ARID3B: variants seen among roughly 807,000 people sequenced by gnomAD.
ARID3B encodes the protein AT-rich interaction domain 3B.
A neutral mutation model predicts 51.9 loss-of-function variants in ARID3B; 10 were observed. The observed-to-expected ratio is 0.19, with a 90% CI of 0.12 to 0.33. The LOEUF is 0.33. Ranked by LOEUF, ARID3B falls within the 10% of genes least tolerant of loss-of-function variation. ARID3B has a pLI of 1.00. For synonymous variants in ARID3B, 205 were observed against 279.5 expected (o/e 0.73, Z 2.66); for missense variants, 483 against 716.3 (o/e 0.67, Z 3.72).
rs188625826 is a variant in ARID3B, at chr15:74,546,427, T to C, written c.552+1939T>C. ...GTCGTTCCTAGAAAGTGCAGCCGCA[T>C]GCGAGGAACAAGTGGAGCTCCAGAG... On this transcript the variant is annotated intron_variant, in intron 2 of 8. Transcript: ENST00000346246. Among the ~76,000 whole-genome samples the C allele has an allele frequency of 6.6e-4, 100 of 152,320 alleles. 2 individuals carry two copies. The East Asian group carries it at 0.015, about 22-fold the overall frequency.
rs767700537 is a variant in ARID3B at position 74,589,804 on chromosome 15, CGTT to C, written c.698-14_698-12del. 2 of 1,593,716 alleles carry C rather than the reference CGTT, an allele frequency of 1.3e-6. No individual in the cohort carries two copies. Among genetic ancestry groups the C allele is most frequent in the South Asian group, 2.2e-5 (2 of 90,020 alleles). On this transcript the variant is annotated splice_polypyrimidine_tract_variant and intron_variant, in intron 4 of 8. Coordinates refer to ENST00000346246, the MANE Select transcript of ARID3B (RefSeq NM_006465.4). The stretch of plus-strand genomic sequence containing the variant: ...TGATGATCCCGCTGTCTCTTTCTCT[CGTT>C]GGACAACCACAGGGACCCCCATCAA...
rs576711303 is a variant in ARID3B at position 74,590,092 on chromosome 15, G to T, written c.881+89G>T. Reference sequence around the variant, plus strand: ...GGAGAGGAAGGAAGGAAATTCCTTTGTATGGTTAGCAAGATGAGTGGATTC... The same window carrying T: ...GGAGAGGAAGGAAGGAAATTCCTTTTTATGGTTAGCAAGATGAGTGGATTC... On this transcript the variant is annotated intron_variant, in intron 5 of 8. Transcript: ENST00000346246. 2,082 of 1,382,914 alleles carry T rather than the reference G, an allele frequency of 1.5e-3. 2 individuals carry two copies. Among genetic ancestry groups the T allele is most frequent in the Non-Finnish European group, 1.9e-3 (1,933 of 1,038,568 alleles). The allele number at this position is 1,382,914 out of a possible 1,614,324, so 85.7% of individuals were successfully genotyped here.
chr15:74,590,189 A>G (rs1201708565), intron 5 of ARID3B, among the ~76,000 whole-genome samples, 186 bp downstream of exon 5: 1 of 152,202 alleles, frequency 6.6e-6, no homozygotes, highest in Non-Finnish European at 1.5e-5. Flanking sequence ...ACCATTTACC[A>G]AGTGTCTACT....
rs2061607747 is a variant in ARID3B, at chr15:74,544,422, C to T, written c.486C>T (p.Ser162=). 1 of 1,614,206 alleles carries T rather than the reference C, an allele frequency of 6.2e-7. No individual in the cohort carries two copies. The highest frequency in any genetic ancestry group is 8.5e-7 in the Non-Finnish European group (1 of 1,180,044). ...AAGAAGACCATACCAAAGATGCTTC[C>T]AAGGCCTCACCTTCTGTCTCCACAG... ...QAKEDHTKDA[S]KASPSVSTAG... The change falls in exon 2 of 9, where the codon TCC becomes TCT. Residue 162 remains serine (S), a synonymous_variant. Coordinates refer to ENST00000346246, the MANE Select transcript of ARID3B (RefSeq NM_006465.4).
At chr15:74,594,150 CT>C (rs2061814511) in intron 8 of ARID3B, among the ~76,000 whole-genome samples, 1 of 152,010 alleles carries the variant, frequency 6.6e-6, no homozygotes, top group Non-Finnish European at 1.5e-5. Flanking sequence ...CCACCTGACT[CT>C]TGTTAAGCAC....
At chr15:74,555,390 C>T (rs949695657) in intron 2 of ARID3B, among the ~76,000 whole-genome samples, 1 of 151,862 alleles carries the variant, frequency 6.6e-6, no homozygotes, top group African/African-American at 2.4e-5. Context: ...AGTGCAGTGA[C>T]GCAATCACAG....
At position 74,597,617 on chromosome 15, in the gene ARID3B, G is replaced by A. The variant is rs1348969927; in HGVS notation, c.*1843G>A. 5.6e-6 allele frequency: 3 copies of A among 534,248 alleles called. No homozygotes were observed. The highest frequency in any genetic ancestry group is 3.1e-5 in the South Asian group (2 of 65,132). 33.1% of individuals were successfully genotyped at this position (534,248 alleles called of 1,614,324 possible). On this transcript the variant is annotated 3_prime_UTR_variant, in exon 9 of 9. Transcript: ENST00000346246. ...GCATCTGGGACGTGGTGCCAGTGAG[G>A]AGCCCAGTTGGCTGGCACTGGGCCC...
At chr15:74,560,346 T>G (rs1343883677) in intron 2 of ARID3B, among the ~76,000 whole-genome samples, 2 of 152,112 alleles carry the variant, frequency 1.3e-5, no homozygotes, top group Non-Finnish European at 2.9e-5. Flanking sequence ...TTTTAGAAAT[T>G]TGGAAATGTA....
At position 74,597,395 on chromosome 15, in the gene ARID3B, G is replaced by C. The variant is rs1055944382; in HGVS notation, c.*1621G>C. The C allele has an allele frequency of 3.6e-5, 16 of 447,846 alleles. No individual in the cohort carries two copies. Among genetic ancestry groups the C allele is most frequent in the Admixed American group, 1.7e-4 (5 of 29,586 alleles). 27.7% of individuals were successfully genotyped at this position (447,846 alleles called of 1,614,324 possible). ...CTCGCATTCAGTCCTGTGTAGGAGAGGAAAGGGAATCAAAAGCTTGAGCAC... is the reference window on the plus strand; with the variant it reads ...CTCGCATTCAGTCCTGTGTAGGAGACGAAAGGGAATCAAAAGCTTGAGCAC... On this transcript the variant is annotated 3_prime_UTR_variant, in exon 9 of 9. Transcript: ENST00000346246.
At chr15:74,550,219 C>G (rs1297671281) in intron 2 of ARID3B, among the ~76,000 whole-genome samples, 3 of 152,178 alleles carry the variant, frequency 2.0e-5, no homozygotes, top group Admixed American at 2.0e-4. Context: ...ATCAGTGATT[C>G]TTTCAGCCCA....
chr15:74,561,151 C>T (rs2061678481), intron 2 of ARID3B, among the ~76,000 whole-genome samples: 1 of 152,100 alleles, frequency 6.6e-6, no homozygotes, highest in South Asian at 2.1e-4. Flanking sequence ...TTTGATATAG[C>T]TAAATTTATT....
At chr15:74,549,601 A>G (rs1187160691) in intron 2 of ARID3B, among the ~76,000 whole-genome samples, 1 of 152,050 alleles carries the variant, frequency 6.6e-6, no homozygotes, top group Admixed American at 6.5e-5. Context: ...AAGATACAGC[A>G]TGACTATGGA....
At chr15:74,581,856 C>T (rs925790526) in intron 4 of ARID3B, among the ~76,000 whole-genome samples, 1 of 152,188 alleles carries the variant, frequency 6.6e-6, no homozygotes, top group Non-Finnish European at 1.5e-5. Context: ...CCAAAGTGAA[C>T]CAATATTCAG....
Position 74,591,321 on chromosome 15 carries a change from C to G in ARID3B, c.1052C>G (p.Ala351Gly), listed in dbSNP as rs1214319809. The G allele has an allele frequency of 1.2e-6, 2 of 1,613,974 alleles. No individual in the cohort carries two copies. The highest frequency in any genetic ancestry group is 8.5e-7 in the Non-Finnish European group (1 of 1,179,954). ...AAATAAAAAG[A>G]PALLSPPKIR... ...GCTACTGCTGCTGCCGCTGCCGGGGCCCCTGCCCTTCTCTCCCCACCCAAG... is the reference window on the plus strand; with the variant it reads ...GCTACTGCTGCTGCCGCTGCCGGGGGCCCTGCCCTTCTCTCCCCACCCAAG... Residue 351 changes from alanine (A) to glycine (G), a missense_variant, in exon 6 of 9, where the codon GCC (alanine) becomes GGC (glycine). By Grantham distance (60) the Ala-to-Gly change is moderately conservative. Transcript: ENST00000346246. This position sits in a 1 kb window ranked among gnomAD's most constrained non-coding sequence, Gnocchi z 5.8.
At chr15:74,550,491 G>T (rs1426358862) in intron 2 of ARID3B, among the ~76,000 whole-genome samples, 2 of 151,552 alleles carry the variant, frequency 1.3e-5, no homozygotes, top group Non-Finnish European at 2.9e-5. Context: ...AGGAGATCAA[G>T]ACCATCTTGA....
At chr15:74,592,500 T>G (rs372057148) in intron 7 of ARID3B, among the ~76,000 whole-genome samples, 1 of 152,122 alleles carries the variant, frequency 6.6e-6, no homozygotes, top group Non-Finnish European at 1.5e-5. Context: ...CCATTGCCCT[T>G]GGGGACCAGA....
At chr15:74,573,396 C>T (rs1467698597) in intron 4 of ARID3B, 192 bp downstream of exon 4, 1 of 623,190 alleles carries the variant, frequency 1.6e-6, no homozygotes, top group African/African-American at 1.8e-5. Flanking sequence ...GGTGTTGGCA[C>T]AAAGTAGATG....
intron 4 of ARID3B, 120 bp downstream of exon 4, chr15:74,573,324 T>G: frequency 9.1e-7 from 1 of 1,094,472 alleles, no homozygotes; most frequent in Non-Finnish European, 1.4e-6. Flanking sequence ...AAGAGGCATT[T>G]ACTGCCAGTT....
At position 74,591,719 on chromosome 15, in the gene ARID3B, C is replaced by T; in HGVS notation, c.1325C>T (p.Ser442Phe). The T allele has an allele frequency of 6.2e-7, 1 of 1,614,130 alleles. No homozygotes were observed. The highest frequency in any genetic ancestry group is 8.5e-7 in the Non-Finnish European group (1 of 1,180,026). ...EPAEKKASRLSEEEQRLVQQA... is the reference protein window; with the variant it reads ...EPAEKKASRLFEEEQRLVQQA... ...GCTGAGAAGAAGGCATCGAGGCTGT[C>T]TGAGGAGGAGCAGCGCCTGGTGCAG... The change falls in exon 7 of 9, where the codon TCT (serine) becomes TTT (phenylalanine). Residue 442 changes from serine (S) to phenylalanine (F), a missense_variant. Transcript: ENST00000346246. The surrounding 1 kb of genome is among the most constrained non-coding windows in gnomAD (Gnocchi z 5.8).
Sources: allele counts gnomAD v4.1 joint callset (sites outside exome capture counted in the v4.1 genomes callset), GRCh38; gene constraint gnomAD v4.1.1; non-coding constraint Gnocchi (gnomAD v3.1); transcripts MANE v1.5; gene names NCBI Gene and HGNC (gene_info 2026-07-23, HGNC 2026-07-21).